The following ETF1 variants were observed in gnomAD, a reference collection of about 807,000 sequenced individuals.
ETF1 encodes the protein eukaryotic translation termination factor 1, also known as eukaryotic peptide chain release factor subunit 1.
In ETF1, 4 loss-of-function variants were observed where a neutral mutation model predicts 55.1. That is an observed-to-expected ratio of 0.07 (90% CI 0.04 to 0.17). The LOEUF is 0.17. Ranked by LOEUF, ETF1 falls within the 10% of genes least tolerant of loss-of-function variation. ETF1 has a pLI of 1.00. For missense variants in ETF1, 142 were observed against 523.6 expected (o/e 0.27, Z 7.11); for synonymous variants, 157 against 182.3 (o/e 0.86, Z 1.12).
intron 2 of ETF1, among the ~76,000 whole-genome samples, chr5:138,523,172 T>A (rs993131107): frequency 1.3e-5 from 2 of 151,802 alleles, no homozygotes; most frequent in African/African-American, 4.8e-5. Context: ...ACCGAGACCA[T>A]CCTGACCAAC....
intron 2 of ETF1, chr5:138,519,341 G>A (rs1277892945): frequency 1.2e-5 from 3 of 258,490 alleles, no homozygotes; most frequent in Non-Finnish European, 1.8e-5. Context: ...GAGAACTGTG[G>A]AAGTCACAGA....
intron 2 of ETF1, among the ~76,000 whole-genome samples, chr5:138,519,659 T>C (rs1765157141): frequency 6.7e-6 from 1 of 148,228 alleles, no homozygotes; most frequent in Non-Finnish European, 1.5e-5. Flanking sequence ...CTAGACTTAG[T>C]CTCGAGAAAA....
chr5:138,513,798 C>T, intron 4 of ETF1, 92 bp from the exon 5 acceptor site: 1 of 1,396,850 alleles, frequency 7.2e-7, no homozygotes, highest in Non-Finnish European at 9.5e-7. Flanking sequence ...CCCTTTCACT[C>T]CACTCACCAT....
chr5:138,521,132 A>G (rs778721160), intron 2 of ETF1, among the ~76,000 whole-genome samples: 36 of 152,230 alleles, frequency 2.4e-4, no homozygotes, highest in Non-Finnish European at 4.4e-4. Context: ...TGTGTGCACA[A>G]TGAAATATTA....
rs931808595 is a variant in ETF1, at chr5:138,511,141, T to C, written c.922A>G (p.Thr308Ala). Residue 308 changes from threonine to alanine, a missense_variant, in exon 8 of 11, where the codon ACA (threonine) becomes GCA (alanine). Around this residue, in one of 5 missense-constraint regions of ETF1, gnomAD observed 82 missense variants for 232.9 expected, o/e 0.35. Coordinates refer to ENST00000360541, the MANE Select transcript of ETF1 (RefSeq NM_004730.4). ...TGKYCFGVED[T>A]LKALEMGAVE... is the part of the protein sequence containing the mutation. ...GCTCCCATTTCCAAAGCCTTTAGTG[T>C]ATCTTCAACGCCAAAACAGTACTTG... 4 of 1,614,134 alleles carry C rather than the reference T, an allele frequency of 2.5e-6. No individual in the cohort carries two copies. Among genetic ancestry groups the C allele is most frequent in the Non-Finnish European group, 3.4e-6 (4 of 1,179,956 alleles).
chr5:138,541,364 A>G (rs958485023), intron 2 of ETF1, among the ~76,000 whole-genome samples: 2 of 152,238 alleles, frequency 1.3e-5, no homozygotes, highest in African/African-American at 4.8e-5. Flanking sequence ...AGGACTAACA[A>G]GCCGCTGTCT....
At chr5:138,513,474 G>A (rs1764896799) in intron 5 of ETF1, 94 bp downstream of exon 5, 2 of 1,119,890 alleles carry the variant, frequency 1.8e-6, no homozygotes, top group African/African-American at 3.0e-5. Context: ...AAAGTGCTGG[G>A]ATTACAGGCG....
chr5:138,521,294 G>A (rs1196081266), intron 2 of ETF1, among the ~76,000 whole-genome samples: 2 of 152,148 alleles, frequency 1.3e-5, no homozygotes, highest in African/African-American at 4.8e-5. Context: ...TAGAGACAGA[G>A]AGTAGAAATG....
rs1003917841 is a variant in ETF1, at chr5:138,507,677, C to T, written c.*628G>A. 2.0e-5 allele frequency: 3 copies of T among 152,704 alleles called. No homozygotes were observed. The highest frequency in any genetic ancestry group is 4.4e-5 in the Non-Finnish European group (3 of 68,104). 9.5% of individuals were successfully genotyped at this position (152,704 alleles called of 1,614,324 possible). ...TTGATTTTGCAATGCAATTTGCATC[C>T]TTGAAACTGCCAGTCTGGAGGGGGA... On this transcript the variant is annotated 3_prime_UTR_variant, in exon 11 of 11. Coordinates refer to ENST00000360541, the MANE Select transcript of ETF1 (RefSeq NM_004730.4).
At chr5:138,528,970 A>G (rs1765586186) in intron 2 of ETF1, among the ~76,000 whole-genome samples, 1 of 152,068 alleles carries the variant, frequency 6.6e-6, no homozygotes, top group African/African-American at 2.4e-5. Context: ...AACATGAGGA[A>G]ACCCATCTCT....
intron 6 of ETF1, among the ~76,000 whole-genome samples, chr5:138,512,252 ATATATAT>A (rs1369443087): frequency 2.3e-4 from 3 of 13,134 alleles, no homozygotes; most frequent in African/African-American, 8.4e-4. Flanking sequence ...ATATATATAT[ATATATAT>A]TTTTTTTTTT....
At chr5:138,530,344 T>C (rs1011986969) in intron 2 of ETF1, among the ~76,000 whole-genome samples, 1 of 151,814 alleles carries the variant, frequency 6.6e-6, no homozygotes, top group African/African-American at 2.4e-5. Flanking sequence ...AGTGGTGTGA[T>C]CTCGGCTCAC....
intron 2 of ETF1, among the ~76,000 whole-genome samples, chr5:138,531,633 CAAG>C (rs1765704480): frequency 6.6e-6 from 1 of 152,180 alleles, no homozygotes; most frequent in Non-Finnish European, 1.5e-5. Context: ...ACATGCTCCC[CAAG>C]AAGCTTTCAT....
At chr5:138,539,131 G>A (rs1049524842) in intron 2 of ETF1, among the ~76,000 whole-genome samples, 5 of 152,282 alleles carry the variant, frequency 3.3e-5, no homozygotes, top group East Asian at 1.9e-4. Context: ...AACACATAAG[G>A]TTTCCTAGTG....
intron 9 of ETF1, among the ~76,000 whole-genome samples, chr5:138,510,306 C>T (rs182770870): frequency 3.6e-5 from 5 of 137,808 alleles, no homozygotes; most frequent in Non-Finnish European, 7.6e-5. Flanking sequence ...TGCAGCGAGC[C>T]GAGATCATGC....
chr5:138,542,734 G>A (rs1766238083), intron 2 of ETF1, 99 bp downstream of exon 2: 6 of 1,547,608 alleles, frequency 3.9e-6, no homozygotes, highest in Non-Finnish European at 5.2e-6. Context: ...GAGTTGGCTA[G>A]TGCCTGGTTC....
At chr5:138,512,565 T>C (rs1290037786) in intron 6 of ETF1, 199 bp downstream of exon 6, 11 of 454,300 alleles carry the variant, frequency 2.4e-5, no homozygotes, top group African/African-American at 1.2e-4. Context: ...CTAAAAATGG[T>C]TGATTTCAGA....
intron 2 of ETF1, among the ~76,000 whole-genome samples, chr5:138,534,289 T>C (rs1351823632): frequency 1.3e-5 from 2 of 152,166 alleles, no homozygotes; most frequent in Non-Finnish European, 2.9e-5. Flanking sequence ...TTTTCTACAA[T>C]GATAGGCATT....
intron 2 of ETF1, among the ~76,000 whole-genome samples, chr5:138,526,034 A>T (rs1161210997): frequency 6.6e-6 from 1 of 151,994 alleles, no homozygotes; most frequent in Non-Finnish European, 1.5e-5. Flanking sequence ...ACTTCCTGAG[A>T]TCCTTATAGA....
Sources: gnomAD v4.1 joint callset for allele counts (sites outside exome capture counted in the v4.1 genomes callset) on GRCh38, gnomAD v4.1.1 for gene constraint, gnomAD v4.1.1 regional missense constraint, MANE v1.5 for transcripts, NCBI Gene and HGNC (gene_info 2026-07-23, HGNC 2026-07-21) for gene names.